NFATC2: variants seen among roughly 807,000 people sequenced by gnomAD.
NFATC2 encodes the protein nuclear factor of activated T-cells, cytoplasmic 2.
A neutral mutation model predicts 87.3 loss-of-function variants in NFATC2; 22 were observed. The ratio of observed to expected loss-of-function variants is 0.25; its 90% CI spans 0.18 to 0.36. The LOEUF (loss-of-function observed/expected upper bound fraction) is 0.36. Ranked by LOEUF, NFATC2 falls within the 10% of genes least tolerant of loss-of-function variation. The probability of loss-of-function intolerance (pLI) is 1.00; values close to 1 mark genes in which losing one functional copy is unlikely to be tolerated. For synonymous variants in NFATC2, 565 were observed against 542.2 expected (o/e 1.04, Z -0.58); for missense variants, 1,149 against 1,259.1 (o/e 0.91, Z 1.32).
intron 6 of NFATC2, among the ~76,000 whole-genome samples, chr20:51,445,950 G>T (rs1259309474): frequency 6.6e-6 from 1 of 152,182 alleles, no homozygotes; most frequent in Non-Finnish European, 1.5e-5. Context: ...ACTCTTCTCG[G>T]CCCTAAGCTG....
chr20:51,517,927 A>AC (rs398035909), intron 2 of NFATC2, among the ~76,000 whole-genome samples: 10 of 151,028 alleles, frequency 6.6e-5, no homozygotes, highest in South Asian at 2.1e-4. Context: ...AAAAAAAAAA[A>AC]CATAAACAAA....
intron 1 of NFATC2, among the ~76,000 whole-genome samples, chr20:51,536,327 T>C (rs2146780648): frequency 6.6e-6 from 1 of 152,312 alleles, no homozygotes; most frequent in East Asian, 1.9e-4. Context: ...GATATAGTGC[T>C]GATGGCAGGG....
chr20:51,416,448 G>C (rs1980051183), intron 9 of NFATC2, among the ~76,000 whole-genome samples: 1 of 152,198 alleles, frequency 6.6e-6, no homozygotes, highest in African/African-American at 2.4e-5. Flanking sequence ...TCTGGCTGAA[G>C]GGGCTGCTCC....
At chr20:51,411,186 G>A (rs148934579) in intron 9 of NFATC2, among the ~76,000 whole-genome samples, 41 of 152,264 alleles carry the variant, frequency 2.7e-4, no homozygotes, top group African/African-American at 8.9e-4. Flanking sequence ...AAAGGGCCTC[G>A]ATCAGAGTTA....
intron 3 of NFATC2, among the ~76,000 whole-genome samples, chr20:51,486,196 G>A (rs1989696455): frequency 6.6e-6 from 1 of 151,872 alleles, no homozygotes; most frequent in Non-Finnish European, 1.5e-5. Flanking sequence ...GGGTGACAGA[G>A]CGAGACACTG....
At chr20:51,404,387 G>A (rs529229943) in intron 9 of NFATC2, among the ~76,000 whole-genome samples, 3 of 152,340 alleles carry the variant, frequency 2.0e-5, no homozygotes, top group African/African-American at 7.2e-5. Flanking sequence ...GAGAATCTGA[G>A]TCAATGCATG....
In NFATC2 at chr20:51,523,428, G is replaced by A. The variant is rs1461720018; in HGVS notation, c.813C>T (p.Arg271=). The A allele has an allele frequency of 1.2e-6, 2 of 1,608,536 alleles. No individual in the cohort carries two copies. Among genetic ancestry groups the A allele is most frequent in the African/African-American group, 1.3e-5 (1 of 74,898 alleles). ...VALPPGASPQ[R]SRSPSPQPSS... is the part of the protein sequence containing the mutation. ...AGGGCTGCGGCGAGGGGCTCCGGGA[G>A]CGCTGGGGTGAGGCTCCGGGCGGCA... Residue 271 remains arginine, a synonymous_variant, in exon 2 of 11, where the codon CGC becomes CGT. Transcript: ENST00000371564. This position sits in a 1 kb window ranked among gnomAD's most constrained non-coding sequence, Gnocchi z 6.9.
chr20:51,562,411 C>T lies in NFATC2; in HGVS notation c.70+149G>A. On this transcript the variant is annotated intron_variant, in intron 1 of 10. Coordinates refer to the NFATC2 transcript ENST00000414705. The surrounding 1 kb of genome is among the most constrained non-coding windows in gnomAD (Gnocchi z 5.8). The stretch of plus-strand genomic sequence containing the variant: ...GGCGCGGGCGCCCCTCCGCGGGCCC[C>T]GCTACCTGTGCGCCGAGGGCGAGCG... The T allele has an allele frequency of 2.9e-6, 2 of 693,502 alleles. No homozygotes were observed. Among genetic ancestry groups the T allele is most frequent in the Admixed American group, 2.9e-5 (1 of 33,906 alleles). The allele number at this position is 693,502 out of a possible 1,614,324, so 43.0% of individuals were successfully genotyped here. A position where few individuals can be genotyped will look rare whatever the true frequency, so the allele number is the denominator to read the frequency against.
chr20:51,456,194 T>C (rs1193723262), intron 5 of NFATC2, among the ~76,000 whole-genome samples: 1 of 152,152 alleles, frequency 6.6e-6, no homozygotes, highest in Non-Finnish European at 1.5e-5. Flanking sequence ...GTATGTATTC[T>C]CAATACATCT....
At chr20:51,459,348 C>A (rs778543852) in intron 5 of NFATC2, among the ~76,000 whole-genome samples, 2 of 152,122 alleles carry the variant, frequency 1.3e-5, no homozygotes, top group Non-Finnish European at 2.9e-5. Flanking sequence ...TCGGCCAGAA[C>A]AGGCAAACGC....
rs1986207234 is a variant in NFATC2 at position 51,390,550 on chromosome 20, C to T, written c.*946G>A. On this transcript the variant is annotated 3_prime_UTR_variant, in exon 11 of 11. Coordinates refer to ENST00000371564, the MANE Select transcript of NFATC2 (RefSeq NM_012340.5). ...AAGCATCCAGGTTGTACAGCTGCAG[C>T]AGACAGGTGCTTGCTCTCTGCAGCC... 1 of 152,298 alleles carries T rather than the reference C, an allele frequency of 6.6e-6. No homozygotes were observed. The highest frequency in any genetic ancestry group is 1.5e-5 in the Non-Finnish European group (1 of 68,084). 9.4% of individuals were successfully genotyped at this position (152,298 alleles called of 1,614,324 possible). A position where few individuals can be genotyped will look rare whatever the true frequency, so the allele number is the denominator to read the frequency against.
intron 1 of NFATC2, among the ~76,000 whole-genome samples, chr20:51,528,511 T>G (rs533289359): frequency 3.3e-5 from 5 of 152,040 alleles, no homozygotes; most frequent in African/African-American, 1.2e-4. Context: ...TACACACACA[T>G]ATGTACACAC....
At chr20:51,434,859 G>A (rs933412139) in intron 8 of NFATC2, among the ~76,000 whole-genome samples, 2 of 151,996 alleles carry the variant, frequency 1.3e-5, no homozygotes, top group African/African-American at 4.8e-5. Flanking sequence ...TCCAAGCCAG[G>A]GACAGGAGTC....
intron 3 of NFATC2, among the ~76,000 whole-genome samples, chr20:51,501,801 T>C (rs994460911): frequency 1.3e-5 from 2 of 152,188 alleles, no homozygotes; most frequent in African/African-American, 4.8e-5. Flanking sequence ...CATTACTCTA[T>C]CTCCATCTCC....
rs79193483 is a variant in NFATC2, at chr20:51,445,411, G to C, written c.1849+9137C>G. Reference sequence around the variant, plus strand: ...CTGAAAGCCATCTCCTCCAGCAAGAGCTCCCTGACTCCTCTATCCAGAGTT... The same window carrying C: ...CTGAAAGCCATCTCCTCCAGCAAGACCTCCCTGACTCCTCTATCCAGAGTT... On this transcript the variant is annotated intron_variant, in intron 6 of 10. Transcript: ENST00000371564. Among the ~76,000 whole-genome samples the C allele has an allele frequency of 5.2e-3, 790 of 152,262 alleles. 7 individuals carry two copies. The highest frequency in any genetic ancestry group is 0.018 in the African/African-American group (736 of 41,540).
chr20:51,435,656 A>G, intron 7 of NFATC2, 50 bp downstream of exon 7: 2 of 1,569,548 alleles, frequency 1.3e-6, no homozygotes, highest in Non-Finnish European at 8.7e-7. Context: ...AGCATGAAAG[A>G]GGGAAACGTG....
At chr20:51,489,100 G>T (rs1267300571) in intron 3 of NFATC2, among the ~76,000 whole-genome samples, 2 of 152,254 alleles carry the variant, frequency 1.3e-5, no homozygotes, top group Non-Finnish European at 2.9e-5. Flanking sequence ...TGAGGCAGGA[G>T]AATCGCTTGA....
In NFATC2 at chr20:51,474,163, G is replaced by T. The variant is rs750332242; in HGVS notation, c.1536-11C>A. Reference sequence around the variant, plus strand: ...CCCGCACAGTCGATGCTGCCAGGATGTTAAGAACCCCATTGTCACCAACTA... The same window carrying T: ...CCCGCACAGTCGATGCTGCCAGGATTTTAAGAACCCCATTGTCACCAACTA... On this transcript the variant is annotated splice_polypyrimidine_tract_variant and intron_variant, in intron 4 of 10. Transcript: ENST00000371564. 6.2e-7 allele frequency: 1 copy of T among 1,613,262 alleles called. No individual in the cohort carries two copies. Among genetic ancestry groups the T allele is most frequent in the South Asian group, 1.1e-5 (1 of 91,004 alleles).
At chr20:51,433,186 T>A (rs369319121) in intron 8 of NFATC2, among the ~76,000 whole-genome samples, 6 of 152,280 alleles carry the variant, frequency 3.9e-5, no homozygotes, top group East Asian at 1.9e-4. Context: ...GCTGATTTAT[T>A]ACCTAAATAC....
Sources: gnomAD v4.1 joint callset for allele counts (sites outside exome capture counted in the v4.1 genomes callset) on GRCh38, gnomAD v4.1.1 for gene constraint, Gnocchi (gnomAD v3.1) non-coding constraint, MANE v1.5 for transcripts, NCBI Gene and HGNC (gene_info 2026-07-23, HGNC 2026-07-21) for gene names.